Variants in PRR16 observed in about 807,000 individuals in gnomAD.
The protein encoded by PRR16 is protein Largen.
In PRR16, 6 loss-of-function variants were observed where a neutral mutation model predicts 18.2. That is an observed-to-expected ratio of 0.33 (90% confidence interval 0.18 to 0.65). The LOEUF (loss-of-function observed/expected upper bound fraction) is 0.65. Among genes scored for constraint, PRR16 ranks in the 30% least tolerant of loss-of-function variants. The probability of loss-of-function intolerance (pLI) is 0.74; values close to 1 mark genes in which losing one functional copy is unlikely to be tolerated. For synonymous variants in PRR16, 151 were observed against 147.8 expected (o/e 1.02, Z -0.16); for missense variants, 412 against 376.6 (o/e 1.09, Z -0.78).
chr5:120,568,056 A>G (rs1752790267), intron 1 of PRR16, among the ~76,000 whole-genome samples: 1 of 152,220 alleles, frequency 6.6e-6, no homozygotes, highest in African/African-American at 2.4e-5. Context: ...CATTTAACAC[A>G]TTAGTAGTAC....
At chr5:120,735,271 A>T in the PRR16 span, among the ~76,000 whole-genome samples, 4 of 152,178 alleles carry the variant, frequency 2.6e-5, 1 homozygote, top group South Asian at 8.3e-4. Flanking sequence ...GTAGGCGGAC[A>T]TGTGTGTTGC....
intron 1 of PRR16, among the ~76,000 whole-genome samples, chr5:120,492,309 C>A (rs920098254): frequency 1.3e-5 from 2 of 150,752 alleles, no homozygotes; most frequent in African/African-American, 2.4e-5. Context: ...TGGAGAGACA[C>A]AAGGTCTCCT....
At chr5:120,597,373 C>T (rs1172468168) in intron 1 of PRR16, among the ~76,000 whole-genome samples, 1 of 151,388 alleles carries the variant, frequency 6.6e-6, no homozygotes, top group Non-Finnish European at 1.5e-5. Context: ...CTATATTTTC[C>T]TGTGTTTTTT....
intron 1 of PRR16, among the ~76,000 whole-genome samples, chr5:120,493,767 A>G (rs984620076): frequency 6.6e-6 from 1 of 152,220 alleles, no homozygotes; most frequent in Non-Finnish European, 1.5e-5. Flanking sequence ...AGATTGCTAT[A>G]TAAGCAGAAT....
intron 1 of PRR16, among the ~76,000 whole-genome samples, chr5:120,467,235 C>G (rs1161347570): frequency 6.6e-6 from 1 of 152,226 alleles, no homozygotes; most frequent in East Asian, 1.9e-4. Context: ...TAAATATAAA[C>G]TGCTATATTT....
chr5:120,675,254 C>T (rs952108040), intron 1 of PRR16, among the ~76,000 whole-genome samples: 1 of 152,180 alleles, frequency 6.6e-6, no homozygotes, highest in Non-Finnish European at 1.5e-5. Context: ...GAGCTTTATT[C>T]GGAGCTGCTG....
intron 1 of PRR16, among the ~76,000 whole-genome samples, chr5:120,523,777 A>G (rs1373857427): frequency 1.4e-5 from 2 of 141,560 alleles, no homozygotes; most frequent in African/African-American, 5.4e-5. Context: ...GTGAGTGTGT[A>G]TATATGTATT....
At chr5:120,726,932 C>T in the PRR16 span, among the ~76,000 whole-genome samples, 1 of 151,994 alleles carries the variant, frequency 6.6e-6, no homozygotes, top group Non-Finnish European at 1.5e-5. Flanking sequence ...AAATGTTTTT[C>T]TGGTTTTCTA....
chr5:120,749,900 GT>G, the PRR16 span, among the ~76,000 whole-genome samples: 7 of 152,146 alleles, frequency 4.6e-5, no homozygotes, highest in Non-Finnish European at 1.0e-4. Flanking sequence ...ACTTTCTTCT[GT>G]AGATTTATAG....
At chr5:120,596,444 T>C (rs1459958814) in intron 1 of PRR16, among the ~76,000 whole-genome samples, 1 of 151,820 alleles carries the variant, frequency 6.6e-6, no homozygotes, top group Non-Finnish European at 1.5e-5. Context: ...AACTTCTATG[T>C]ATTTGGGGCC....
chr5:120,584,421 T>C (rs768744316), intron 1 of PRR16, among the ~76,000 whole-genome samples: 41 of 152,020 alleles, frequency 2.7e-4, no homozygotes, highest in Non-Finnish European at 4.9e-4. Flanking sequence ...AATAAATTGG[T>C]CTATGAAAAT....
chr5:120,583,693 G>A (rs1022517598), intron 1 of PRR16, among the ~76,000 whole-genome samples: 4 of 152,150 alleles, frequency 2.6e-5, no homozygotes, highest in Admixed American at 2.0e-4. Context: ...CACCTCTGGA[G>A]GTTGCTGGAT....
chr5:120,571,234 G>A (rs930122312), intron 1 of PRR16, among the ~76,000 whole-genome samples: 1 of 152,186 alleles, frequency 6.6e-6, no homozygotes, highest in Admixed American at 6.6e-5. Flanking sequence ...GTTAAGGCAT[G>A]TGCATTGCTT....
At chr5:120,792,004 T>C in the PRR16 span, among the ~76,000 whole-genome samples, 3 of 152,172 alleles carry the variant, frequency 2.0e-5, no homozygotes, top group Admixed American at 6.5e-5. Flanking sequence ...TGTGAGATGA[T>C]AGGCATTGAA....
chr5:120,627,953 C>G (rs1754922369), intron 1 of PRR16, among the ~76,000 whole-genome samples: 1 of 152,058 alleles, frequency 6.6e-6, no homozygotes, highest in African/African-American at 2.4e-5. Flanking sequence ...ATCTCTTGAT[C>G]TATTCTTAGC....
At chr5:120,726,754 T>C in the PRR16 span, among the ~76,000 whole-genome samples, 2 of 152,042 alleles carry the variant, frequency 1.3e-5, no homozygotes, top group Admixed American at 1.3e-4. Context: ...GACTGACATG[T>C]CCACTCTTGA....
At chr5:120,478,493 G>A (rs966435846) in intron 1 of PRR16, among the ~76,000 whole-genome samples, 4 of 152,106 alleles carry the variant, frequency 2.6e-5, no homozygotes, top group Non-Finnish European at 5.9e-5. Flanking sequence ...CTTATTGTGT[G>A]TCATAGTTCT....
the PRR16 span, among the ~76,000 whole-genome samples, chr5:120,758,120 G>T: frequency 3.9e-5 from 6 of 151,950 alleles, no homozygotes; most frequent in East Asian, 3.9e-4. Flanking sequence ...TTCACTGTAG[G>T]TATTTGTAAT....
the PRR16 span, among the ~76,000 whole-genome samples, chr5:120,745,696 A>G: frequency 6.7e-6 from 1 of 149,698 alleles, no homozygotes; most frequent in Non-Finnish European, 1.5e-5. Context: ...TTATTTATTT[A>G]TTTATTTATT....
Sources: gnomAD v4.1 joint callset for allele counts (sites outside exome capture counted in the v4.1 genomes callset) on GRCh38, gnomAD v4.1.1 for gene constraint, MANE v1.5 for transcripts, NCBI Gene and HGNC (gene_info 2026-07-23, HGNC 2026-07-21) for gene names.